TMEM131: variants seen among roughly 807,000 people sequenced by gnomAD.
TMEM131 encodes 2610524E03Rik.
A neutral mutation model predicts 211.6 loss-of-function variants in TMEM131; 66 were observed. The observed-to-expected ratio is 0.31, with a 90% confidence interval of 0.26 to 0.38. The LOEUF (loss-of-function observed/expected upper bound fraction) is 0.38. Among genes scored for constraint, TMEM131 ranks in the 10% least tolerant of loss-of-function variants. TMEM131 has a pLI of 1.00. For synonymous variants in TMEM131, 844 were observed against 841.3 expected (o/e 1.00, Z -0.06); for missense variants, 2,036 against 2,299.3 (o/e 0.89, Z 2.34).
At chr2:97,911,444 A>G (rs923074226) in intron 2 of TMEM131, among the ~76,000 whole-genome samples, 11 of 152,182 alleles carry the variant, frequency 7.2e-5, no homozygotes, top group African/African-American at 2.7e-4. Context: ...ATTGTATGTC[A>G]TTTATACATC....
rs553858556 is a variant in TMEM131, at chr2:97,791,532, G to A, written c.4144+854C>T. ...GCTTGGGCCCTCCGTCCAACAGTCC[G>A]TGAAGAACTGAATCCCACCATCAAC... On this transcript the variant is annotated intron_variant, in intron 31 of 40. Coordinates refer to ENST00000186436, the MANE Select transcript of TMEM131 (RefSeq NM_015348.2). Among the ~76,000 whole-genome samples the A allele has an allele frequency of 5.9e-5, 9 of 152,154 alleles. No individual in the cohort carries two copies. The South Asian group carries it at 1.7e-3, about 28-fold the overall frequency.
chr2:97,797,264 C>A, intron 26 of TMEM131, 101 bp downstream of exon 26: 1 of 1,179,938 alleles, frequency 8.5e-7, no homozygotes, highest in South Asian at 1.5e-5. Context: ...AAAGTGAATT[C>A]AAACTATTTC....
intron 11 of TMEM131, among the ~76,000 whole-genome samples, chr2:97,831,772 C>T (rs1398213457): frequency 7.0e-6 from 1 of 142,322 alleles, no homozygotes; most frequent in African/African-American, 2.6e-5. Flanking sequence ...GAGGTTCAGG[C>T]AATTCTCCTG....
chr2:97,841,947 TG>T lies in TMEM131; in HGVS notation c.601-11del. ...CTCCAACACCAAATACCTGTTTCAG[TG>T]GAGGAAAAAAATGCAATTTTAGTTG... On this transcript the variant is annotated splice_polypyrimidine_tract_variant and intron_variant, in intron 6 of 40. Coordinates refer to ENST00000186436, the MANE Select transcript of TMEM131 (RefSeq NM_015348.2). The T allele has an allele frequency of 6.6e-7, 1 of 1,519,296 alleles. No homozygotes were observed. The highest frequency in any genetic ancestry group is 8.9e-7 in the Non-Finnish European group (1 of 1,128,912). 94.1% of individuals were successfully genotyped at this position (1,519,296 alleles called of 1,614,324 possible).
intron 31 of TMEM131, among the ~76,000 whole-genome samples, chr2:97,783,703 G>A (rs190542080): frequency 6.6e-6 from 1 of 151,766 alleles, no homozygotes; most frequent in Non-Finnish European, 1.5e-5. Context: ...GCAGGAAAAA[G>A]AAAATAGAGA....
At chr2:97,782,527 A>C (rs1188628819) in intron 31 of TMEM131, among the ~76,000 whole-genome samples, 2 of 152,212 alleles carry the variant, frequency 1.3e-5, no homozygotes, top group Non-Finnish European at 2.9e-5. Context: ...AGATGCCAAC[A>C]CCAAGATGAG....
chr2:97,783,406 A>G (rs943957323), intron 31 of TMEM131, among the ~76,000 whole-genome samples: 4 of 152,166 alleles, frequency 2.6e-5, no homozygotes, highest in Non-Finnish European at 5.9e-5. Context: ...TCATATCTTA[A>G]GTCTTCTAAA....
intron 4 of TMEM131, among the ~76,000 whole-genome samples, chr2:97,881,707 C>CAA (rs1205367293): frequency 0.28 from 14,964 of 54,302 alleles, 2,795 homozygotes; most frequent in Middle Eastern, 0.4. Flanking sequence ...TGGATAACTG[C>CAA]AAAAAAAAAA....
intron 1 of TMEM131, among the ~76,000 whole-genome samples, chr2:97,948,847 T>C (rs902787237): frequency 6.6e-6 from 1 of 151,772 alleles, no homozygotes; most frequent in Non-Finnish European, 1.5e-5. Flanking sequence ...TTAGTAGAGA[T>C]GGGGTTTCAC....
At chr2:97,962,192 C>A (rs1678846783) in intron 1 of TMEM131, among the ~76,000 whole-genome samples, 1 of 152,010 alleles carries the variant, frequency 6.6e-6, no homozygotes, top group Non-Finnish European at 1.5e-5. Flanking sequence ...TATTTACTCT[C>A]AAAAAACGCT....
intron 1 of TMEM131, among the ~76,000 whole-genome samples, chr2:97,940,740 C>T (rs1406590233): frequency 5.3e-5 from 8 of 149,762 alleles, no homozygotes; most frequent in Non-Finnish European, 5.9e-5. Context: ...ACCTAGGAGG[C>T]GGAGCTTGCA....
intron 4 of TMEM131, among the ~76,000 whole-genome samples, chr2:97,871,639 A>T (rs926818941): frequency 6.6e-6 from 1 of 152,138 alleles, no homozygotes; most frequent in African/African-American, 2.4e-5. Flanking sequence ...GAGCAGGAGG[A>T]CCATATTCCA....
At chr2:97,934,768 T>G (rs552162975) in intron 1 of TMEM131, among the ~76,000 whole-genome samples, 25 of 152,294 alleles carry the variant, frequency 1.6e-4, no homozygotes, top group South Asian at 8.3e-4. Flanking sequence ...GAACAGCTTT[T>G]CCAACAAATA....
chr2:97,955,895 A>G (rs547841987), intron 1 of TMEM131, among the ~76,000 whole-genome samples: 129 of 152,298 alleles, frequency 8.5e-4, no homozygotes, highest in African/African-American at 3.0e-3. Context: ...CACAGGAAAA[A>G]TGTCAATTCT....
rs759560425 is a variant in TMEM131 at position 97,888,119 on chromosome 2, T to C, written c.292A>G (p.Ile98Val). The change falls in exon 4 of 41, where the codon ATA becomes GTA. Residue 98 changes from isoleucine (I) to valine (V), a missense_variant and splice_region_variant. Around this residue, in one of 3 missense-constraint regions of TMEM131, gnomAD observed 277 missense variants for 378.0 expected, o/e 0.73. Coordinates refer to ENST00000186436, the MANE Select transcript of TMEM131 (RefSeq NM_015348.2). ...LGLSSYQQKS[I>V]SLYRGNCRPI... The stretch of plus-strand genomic sequence containing the variant: ...CTGCAATTCCCCCGGTAGAGAGATA[T>C]ACTGTAAATAAAAAGAAAACAACAT... 6 of 1,611,040 alleles carry C rather than the reference T, an allele frequency of 3.7e-6. No homozygotes were observed. Among genetic ancestry groups the C allele is most frequent in the Non-Finnish European group, 4.2e-6 (5 of 1,178,000 alleles).
intron 5 of TMEM131, among the ~76,000 whole-genome samples, chr2:97,855,118 G>C (rs1673784183): frequency 6.6e-6 from 1 of 152,220 alleles, no homozygotes; most frequent in African/African-American, 2.4e-5. Flanking sequence ...ACTTTAAGTA[G>C]ACACTTCATA....
At chr2:97,898,091 A>G (rs1011831191) in intron 3 of TMEM131, among the ~76,000 whole-genome samples, 4 of 152,036 alleles carry the variant, frequency 2.6e-5, no homozygotes, top group Admixed American at 6.6e-5. Flanking sequence ...GCCTTTCTTA[A>G]CCAATCTAGC....
At chr2:97,803,689 C>T (rs1461329190) in intron 22 of TMEM131, among the ~76,000 whole-genome samples, 2 of 152,162 alleles carry the variant, frequency 1.3e-5, no homozygotes, top group Non-Finnish European at 1.5e-5. Flanking sequence ...GAGAATATCA[C>T]ATCTACTGTG....
chr2:97,807,170 T>C (rs545512450), intron 19 of TMEM131, among the ~76,000 whole-genome samples: 2 of 152,320 alleles, frequency 1.3e-5, no homozygotes, highest in South Asian at 4.1e-4. Context: ...TTTGGTAATA[T>C]AGAGGTAATT....
Sources: gnomAD v4.1 joint callset for allele counts (sites outside exome capture counted in the v4.1 genomes callset) on GRCh38, gnomAD v4.1.1 for gene constraint, gnomAD v4.1.1 regional missense constraint, MANE v1.5 for transcripts, NCBI Gene and HGNC (gene_info 2026-07-23, HGNC 2026-07-21) for gene names.